Variants in NFASC observed in about 807,000 individuals in gnomAD.
The protein encoded by NFASC is neurofascin.
A neutral mutation model predicts 147.5 loss-of-function variants in NFASC; 43 were observed. That is an observed-to-expected ratio of 0.29 (90% CI 0.23 to 0.38). The LOEUF (loss-of-function observed/expected upper bound fraction) is 0.38, where lower values mean the gene tolerates loss of function less well. Ranked by LOEUF, NFASC falls within the 10% of genes least tolerant of loss-of-function variation. The probability of loss-of-function intolerance (pLI) is 1.00; values close to 1 mark genes in which losing one functional copy is unlikely to be tolerated. For synonymous variants in NFASC, 622 were observed against 665.5 expected, an observed-to-expected ratio of 0.93 and a Z score of 1.01; for missense variants, 1,320 against 1,689.0, an observed-to-expected ratio of 0.78 and a Z score of 3.83.
At chr1:205,000,084 C>T (rs1478401747) in intron 25 of NFASC, 2 of 152,172 alleles carry the variant, frequency 1.3e-5, no homozygotes, top group East Asian at 3.9e-4. Flanking sequence ...TAAAGTGGCT[C>T]CCAGCTCATA....
At chr1:204,992,733 C>T (rs2095762622) in intron 24 of NFASC, among the ~76,000 whole-genome samples, 1 of 152,198 alleles carries the variant, frequency 6.6e-6, no homozygotes, top group African/African-American at 2.4e-5. Context: ...AATGGGGAAG[C>T]AGCTCCCCGT....
At chr1:204,994,163 G>A (rs1005008396) in intron 24 of NFASC, among the ~76,000 whole-genome samples, 9 of 152,136 alleles carry the variant, frequency 5.9e-5, no homozygotes, top group East Asian at 1.9e-4. Flanking sequence ...GGAGGCTGCC[G>A]GAAAGTGACC....
At chr1:204,964,139 C>T (rs1191328779) in intron 8 of NFASC, among the ~76,000 whole-genome samples, 1 of 152,182 alleles carries the variant, frequency 6.6e-6, no homozygotes, top group Non-Finnish European at 1.5e-5. Flanking sequence ...CGGGACATAC[C>T]ATTGAGTGAT....
intron 1 of NFASC, among the ~76,000 whole-genome samples, chr1:204,873,768 ACCAGCTGGGCTG>A (rs2078189026): frequency 6.6e-6 from 1 of 152,184 alleles, no homozygotes; most frequent in Non-Finnish European, 1.5e-5. Context: ...TTCTTTGCCA[ACCAGCTGGGCTG>A]CTGTAGCTTT....
intron 1 of NFASC, among the ~76,000 whole-genome samples, chr1:204,902,702 T>C (rs10793721): frequency 0.93 from 141,156 of 152,264 alleles, 65,617 homozygotes; most frequent in East Asian, 1. Flanking sequence ...AGAGTCGTTA[T>C]GCTTTTTCTA....
rs184301272 is a variant in NFASC, at chr1:204,979,696, G to T, written c.2176+137G>T. ...CCCGGCCTCATCTGTGAGGCAGAGA[G>T]TAATAATAACACCTACATCACAGAG... On this transcript the variant is annotated intron_variant, in intron 19 of 29. Coordinates refer to ENST00000339876, the MANE Select transcript of NFASC (RefSeq NM_001005388.3). This position sits in a 1 kb window ranked among gnomAD's most constrained non-coding sequence, Gnocchi z 6.0. The T allele has an allele frequency of 3.4e-4, 264 of 765,752 alleles. No individual in the cohort carries two copies. The highest frequency in any genetic ancestry group is 5.0e-4 in the Non-Finnish European group (219 of 437,904). 47.4% of individuals were successfully genotyped at this position (765,752 alleles called of 1,614,324 possible).
At chr1:204,890,714 C>T (rs1376992597) in intron 1 of NFASC, among the ~76,000 whole-genome samples, 8 of 152,132 alleles carry the variant, frequency 5.3e-5, no homozygotes, top group African/African-American at 1.4e-4. Context: ...GAATTACAGG[C>T]GCCCACCACC....
chr1:204,840,735 G>T lies in NFASC; in HGVS notation c.-200+11953G>T, dbSNP rs116080530. Among the ~76,000 whole-genome samples the T allele has an allele frequency of 7.2e-3, 1,097 of 152,322 alleles. 19 individuals carry two copies. The highest frequency in any genetic ancestry group is 0.025 in the African/African-American group (1,058 of 41,580). ...AGGCTAGCTCTACTCTTGGAATAGTGACTCTAAGTGGGTGTCCAGTGCCTG... is the reference window on the plus strand; with the variant it reads ...AGGCTAGCTCTACTCTTGGAATAGTTACTCTAAGTGGGTGTCCAGTGCCTG... On this transcript the variant is annotated intron_variant, in intron 1 of 29. Coordinates refer to ENST00000339876, the MANE Select transcript of NFASC (RefSeq NM_001005388.3).
In NFASC at chr1:204,882,104, C is replaced by T. The variant is rs139595930; in HGVS notation, c.-199-38528C>T. On this transcript the variant is annotated intron_variant, in intron 1 of 29. Transcript: ENST00000339876. The stretch of plus-strand genomic sequence containing the variant: ...AGTTGAGCCCAATCTCTCTCCCCGA[C>T]TGAAAGACCCTATTGCAGTGCTCCC... 5.1e-3 allele frequency among the ~76,000 whole-genome samples: 771 copies of T among 152,310 alleles called. 7 individuals are homozygous for T. Among genetic ancestry groups the T allele is most frequent in the African/African-American group, 0.018 (746 of 41,548 alleles).
chr1:204,969,936 C>T (rs529393194), intron 10 of NFASC, among the ~76,000 whole-genome samples: 28 of 152,022 alleles, frequency 1.8e-4, no homozygotes, highest in African/African-American at 5.3e-4. Flanking sequence ...ATTAGCTGGG[C>T]GTGGTGGGAC....
intron 5 of NFASC, 38 bp downstream of exon 5, chr1:204,952,154 G>A (rs61817572): frequency 0.013 from 18,457 of 1,473,030 alleles, 577 homozygotes; most frequent in African/African-American, 0.11. Context: ...GAAACCACCC[G>A]CTTGCCTCTG....
intron 23 of NFASC, chr1:204,989,558 G>C (rs2095679675): frequency 6.6e-6 from 1 of 152,242 alleles, no homozygotes; most frequent in African/African-American, 2.4e-5. Flanking sequence ...CTCTCGAGGA[G>C]GCAAGGCTGC....
At chr1:204,961,047 TC>T (rs1393515348) in intron 8 of NFASC, among the ~76,000 whole-genome samples, 5 of 152,184 alleles carry the variant, frequency 3.3e-5, no homozygotes, top group African/African-American at 1.2e-4. Context: ...TGTTCTTGCC[TC>T]CTCAGGGCCA....
At chr1:204,994,292 A>G (rs551994563) in intron 24 of NFASC, among the ~76,000 whole-genome samples, 2 of 152,340 alleles carry the variant, frequency 1.3e-5, no homozygotes, top group East Asian at 3.9e-4. Flanking sequence ...AGAAGTGGCC[A>G]TCAGGGGAGG....
chr1:204,937,325 A>G (rs2092950640), intron 2 of NFASC, among the ~76,000 whole-genome samples: 1 of 152,190 alleles, frequency 6.6e-6, no homozygotes, highest in Non-Finnish European at 1.5e-5. Flanking sequence ...CACAGTCCAC[A>G]GTTGATGTTA....
chr1:204,839,444 G>A (rs557251067), intron 1 of NFASC, among the ~76,000 whole-genome samples: 4 of 151,746 alleles, frequency 2.6e-5, no homozygotes, highest in Non-Finnish European at 4.4e-5. Context: ...AGACAAAGGC[G>A]GTAGCGGGGA....
At chr1:204,839,813 ATTTGTTGGGTCTCCATCAGCTC>A (rs1280300198) in intron 1 of NFASC, among the ~76,000 whole-genome samples, 1 of 152,058 alleles carries the variant, frequency 6.6e-6, no homozygotes, top group Non-Finnish European at 1.5e-5. Flanking sequence ...CACAGAAGAG[ATTTGTTGGGTCTCCATCAGCTC>A]TGGCACATGG....
intron 1 of NFASC, among the ~76,000 whole-genome samples, chr1:204,867,954 G>A (rs1264705093): frequency 6.6e-6 from 1 of 152,244 alleles, no homozygotes; most frequent in Admixed American, 6.5e-5. Context: ...GGCCCTCGAG[G>A]CAGTCACATC....
intron 11 of NFASC, among the ~76,000 whole-genome samples, 182 bp from the exon 12 acceptor site, chr1:204,973,094 G>A (rs896639616): frequency 6.6e-6 from 1 of 152,236 alleles, no homozygotes; most frequent in Non-Finnish European, 1.5e-5. Context: ...CAAAGGTTCA[G>A]AGAAGGGCTC....
Sources: allele counts gnomAD v4.1 joint callset (sites outside exome capture counted in the v4.1 genomes callset), GRCh38; gene constraint gnomAD v4.1.1; non-coding constraint Gnocchi (gnomAD v3.1); transcripts MANE v1.5; gene names NCBI Gene and HGNC (gene_info 2026-07-23, HGNC 2026-07-21).